Variants in NDOR1 observed in about 807,000 individuals in gnomAD.
NDOR1 encodes NADPH dependent diflavin oxidoreductase 1, also known as NADPH-dependent diflavin oxidoreductase 1.
Under a neutral mutation model 67.2 loss-of-function variants are expected in NDOR1, and 61 were observed. The ratio of observed to expected loss-of-function variants is 0.91; its 90% CI spans 0.74 to 1.12. The LOEUF (loss-of-function observed/expected upper bound fraction) is 1.12, where lower values mean the gene tolerates loss of function less well. Among genes scored for constraint, NDOR1 ranks in the 50% most tolerant of loss-of-function variants. The pLI is 0.00. For missense variants in NDOR1, 878 were observed against 802.8 expected, an observed-to-expected ratio of 1.09 and a Z score of -1.13; for synonymous variants, 378 against 343.7, an observed-to-expected ratio of 1.10 and a Z score of -1.10.
Position 137,218,803 on chromosome 9 carries a change from G to T in NDOR1, c.*2387G>T. ...GAGGCCTGACCCTGCCAGAGTCCATGGCTGCACTGCTGCCCAGACACTAGC... is the reference window on the plus strand; with the variant it reads ...GAGGCCTGACCCTGCCAGAGTCCATTGCTGCACTGCTGCCCAGACACTAGC... On this transcript the variant is annotated 3_prime_UTR_variant, in exon 14 of 14. Coordinates refer to ENST00000684003, the MANE Select transcript of NDOR1 (RefSeq NM_014434.4). 1 of 396,490 alleles carries T rather than the reference G, an allele frequency of 2.5e-6. No individual in the cohort carries two copies. The highest frequency in any genetic ancestry group is 4.4e-6 in the Non-Finnish European group (1 of 225,190). 24.6% of individuals were successfully genotyped at this position (396,490 alleles called of 1,614,324 possible).
Position 137,205,769 on chromosome 9 carries a change from C to G in NDOR1, c.-9C>G, listed in dbSNP as rs376442947. The G allele has an allele frequency of 6.2e-7, 1 of 1,602,884 alleles. No individual in the cohort carries two copies. The highest frequency in any genetic ancestry group is 1.1e-5 in the South Asian group (1 of 91,080). On this transcript the variant is annotated 5_prime_UTR_variant, in exon 1 of 14. Transcript: ENST00000684003. ...TTTAGTCTCAGACCAGACCACCGGG[C>G]GCACCCCGATGCCGAGCCCGCAGCT...
At position 137,216,252 on chromosome 9, in the gene NDOR1, T is replaced by C; in HGVS notation, c.1650-20T>C. ...CTGAGTGCCAGGCCTCATTGCGCCTTCTGCGACCTGCCCCTCTAGCAACGC... is the reference window on the plus strand; with the variant it reads ...CTGAGTGCCAGGCCTCATTGCGCCTCCTGCGACCTGCCCCTCTAGCAACGC... On this transcript the variant is annotated intron_variant, in intron 13 of 13. Coordinates refer to ENST00000684003, the MANE Select transcript of NDOR1 (RefSeq NM_014434.4). 6.2e-7 allele frequency: 1 copy of C among 1,612,926 alleles called. No homozygotes were observed. Among genetic ancestry groups the C allele is most frequent in the Non-Finnish European group, 8.5e-7 (1 of 1,179,942 alleles).
In NDOR1 at chr9:137,212,848, T is replaced by C; in HGVS notation, c.311+249T>C. The C allele has an allele frequency of 2.0e-6, 1 of 508,672 alleles. No individual in the cohort carries two copies. The highest frequency in any genetic ancestry group is 3.6e-6 in the Non-Finnish European group (1 of 281,238). 31.5% of individuals were successfully genotyped at this position (508,672 alleles called of 1,614,324 possible). ...CAGCCACGCTGACGTCACACAGGCC[T>C]ACCTGGCGCCGGTCCCCACTTTTAC... On this transcript the variant is annotated intron_variant, in intron 3 of 13. Coordinates refer to ENST00000684003, the MANE Select transcript of NDOR1 (RefSeq NM_014434.4). This position sits in a 1 kb window ranked among gnomAD's most constrained non-coding sequence, Gnocchi z 4.3.
chr9:137,213,584 G>GCCCTA (rs201054452), intron 3 of NDOR1, among the ~76,000 whole-genome samples, 196 bp from the exon 4 acceptor site: 4,244 of 152,238 alleles, frequency 0.028, 122 homozygotes, highest in Non-Finnish European at 0.037. Flanking sequence ...CAGCTGCCCT[G>GCCCTA]GTCTCGGCAG....
Position 137,212,644 on chromosome 9 carries a change from G to A in NDOR1, c.311+45G>A, listed in dbSNP as rs548330276. On this transcript the variant is annotated intron_variant, in intron 3 of 13. Transcript: ENST00000684003. This position sits in a 1 kb window ranked among gnomAD's most constrained non-coding sequence, Gnocchi z 4.3. Reference sequence around the variant, plus strand: ...GTGGGCGGACGGAACAGTTCTGGGGGTCGAGCAACAGGTGTGCTGGCAGAG... The same window carrying A: ...GTGGGCGGACGGAACAGTTCTGGGGATCGAGCAACAGGTGTGCTGGCAGAG... 30 of 1,551,480 alleles carry A rather than the reference G, an allele frequency of 1.9e-5. No individual in the cohort carries two copies. Among genetic ancestry groups the A allele is most frequent in the African/African-American group, 1.8e-4 (13 of 73,676 alleles).
Position 137,218,431 on chromosome 9 carries a change from T to C in NDOR1, c.*2015T>C. On this transcript the variant is annotated 3_prime_UTR_variant, in exon 14 of 14. Coordinates refer to ENST00000684003, the MANE Select transcript of NDOR1 (RefSeq NM_014434.4). ...GGGGCTGCCTGCCCTTCCTGCCCTG[T>C]CCACCCTGCCTGGGTGCCCGGCTCT... 2.5e-6 allele frequency: 1 copy of C among 398,290 alleles called. No individual in the cohort carries two copies. The highest frequency in any genetic ancestry group is 3.6e-5 in the East Asian group (1 of 28,024). The allele number at this position is 398,290 out of a possible 1,614,324, so 24.7% of individuals were successfully genotyped here.
In NDOR1 at chr9:137,212,434, C is replaced by T; in HGVS notation, c.214-68C>T. 7.1e-7 allele frequency: 1 copy of T among 1,411,590 alleles called. No homozygotes were observed. The highest frequency in any genetic ancestry group is 1.4e-5 in the African/African-American group (1 of 70,816). The allele number at this position is 1,411,590 out of a possible 1,614,324, so 87.4% of individuals were successfully genotyped here. On this transcript the variant is annotated intron_variant, in intron 2 of 13. Transcript: ENST00000684003. This position sits in a 1 kb window ranked among gnomAD's most constrained non-coding sequence, Gnocchi z 4.3. ...CCTGCCTGTTCCCCTGAGACCCTCCCCTCACCCCCTGCTGTGGGGCTAGCC... is the reference window on the plus strand; with the variant it reads ...CCTGCCTGTTCCCCTGAGACCCTCCTCTCACCCCCTGCTGTGGGGCTAGCC...
intron 5 of NDOR1, 30 bp downstream of exon 5, chr9:137,214,098 C>T (rs764052705): frequency 9.8e-6 from 15 of 1,530,566 alleles, no homozygotes; most frequent in Non-Finnish European, 1.2e-5. Flanking sequence ...CACCCACAGG[C>T]GCAGCAGACC....
Position 137,205,744 on chromosome 9 carries a change from T to C in NDOR1, c.-34T>C, listed in dbSNP as rs746849834. On this transcript the variant is annotated 5_prime_UTR_variant, in exon 1 of 14. Coordinates refer to ENST00000684003, the MANE Select transcript of NDOR1 (RefSeq NM_014434.4). Reference sequence around the variant, plus strand: ...GGCCGGCGGGAACTGCCTTCTAGTTTTTAGTCTCAGACCAGACCACCGGGC... The same window carrying C: ...GGCCGGCGGGAACTGCCTTCTAGTTCTTAGTCTCAGACCAGACCACCGGGC... The C allele has an allele frequency of 3.8e-6, 6 of 1,599,804 alleles. No individual in the cohort carries two copies. Among genetic ancestry groups the C allele is most frequent in the East Asian group, 4.5e-5 (2 of 44,776 alleles).
chr9:137,213,239 C>T (rs1326824898), intron 3 of NDOR1, among the ~76,000 whole-genome samples: 8 of 152,216 alleles, frequency 5.3e-5, no homozygotes, highest in South Asian at 2.1e-4. Context: ...TTGTTTCCTG[C>T]GTGACGTTGT....
At position 137,218,649 on chromosome 9, in the gene NDOR1, C is replaced by A; in HGVS notation, c.*2233C>A. The A allele has an allele frequency of 2.5e-6, 1 of 398,616 alleles. No homozygotes were observed. Among genetic ancestry groups the A allele is most frequent in the Non-Finnish European group, 4.4e-6 (1 of 226,038 alleles). The allele number at this position is 398,616 out of a possible 1,614,324, so 24.7% of individuals were successfully genotyped here. A position where few individuals can be genotyped will look rare whatever the true frequency, so the allele number is the denominator to read the frequency against. On this transcript the variant is annotated 3_prime_UTR_variant, in exon 14 of 14. Transcript: ENST00000684003. ...CCGCCAACAGGCCAGGGGGCCCAGACTGGCCCACGTCCCCATGCCTGGGTG... is the reference window on the plus strand; with the variant it reads ...CCGCCAACAGGCCAGGGGGCCCAGAATGGCCCACGTCCCCATGCCTGGGTG...
At position 137,212,786 on chromosome 9, in the gene NDOR1, CAG is replaced by C. The variant is rs530064411; in HGVS notation, c.311+190_311+191del. 5.6e-4 allele frequency: 333 copies of C among 592,228 alleles called. 2 individuals carry two copies. In the South Asian group the frequency reaches 6.0e-3, roughly 11 times the overall value. 36.7% of individuals were successfully genotyped at this position (592,228 alleles called of 1,614,324 possible). On this transcript the variant is annotated intron_variant, in intron 3 of 13. Transcript: ENST00000684003. This position sits in a 1 kb window ranked among gnomAD's most constrained non-coding sequence, Gnocchi z 4.3. The stretch of plus-strand genomic sequence containing the variant: ...CAGGCTTCACGCTGCGGGGAGGGCA[CAG>C]AGGGGAGCAGGCAGGGTGGCAAAGG...
At chr9:137,208,918 C>T (rs777227824) in intron 2 of NDOR1, among the ~76,000 whole-genome samples, 1 of 151,944 alleles carries the variant, frequency 6.6e-6, no homozygotes, top group South Asian at 2.1e-4. Flanking sequence ...CTCGCTCTGT[C>T]GCCCAGGCTG....
chr9:137,205,861 C>G lies in NDOR1; in HGVS notation c.84C>G (p.Ala28=). ...TGTCGGAGAGACTGGGTCGCGAGGC[C>G]CGGCGCCGGCGGCTTGGCTGCCGGG... ...QDVSERLGRE[A]RRRRLGCRVQ... is the part of the protein sequence containing the mutation. The change falls in exon 1 of 14, where the codon GCC becomes GCG. Residue 28 remains alanine (A), a synonymous_variant. Transcript: ENST00000684003. 2 of 1,601,512 alleles carry G rather than the reference C, an allele frequency of 1.2e-6. No homozygotes were observed. The highest frequency in any genetic ancestry group is 2.2e-5 in the East Asian group (1 of 44,826).
Position 137,216,443 on chromosome 9 carries a change from G to A in NDOR1, c.*27G>A. ...GCCCGCGGCTGCCCGTGCCCCCTCT[G>A]ACAGCCATCCTCCTGGGAGCCCAGG... is the stretch of plus-strand genomic sequence containing the variant. On this transcript the variant is annotated 3_prime_UTR_variant, in exon 14 of 14. Coordinates refer to ENST00000684003, the MANE Select transcript of NDOR1 (RefSeq NM_014434.4). 5 of 1,584,500 alleles carry A rather than the reference G, an allele frequency of 3.2e-6. No individual in the cohort carries two copies. The highest frequency in any genetic ancestry group is 4.3e-6 in the Non-Finnish European group (5 of 1,168,446).
At position 137,205,789 on chromosome 9, in the gene NDOR1, G is replaced by A. The variant is rs749524779; in HGVS notation, c.12G>A (p.Pro4=). MPS[P]QLLVLFGSQT... ...CCGGGCGCACCCCGATGCCGAGCCC[G>A]CAGCTTCTGGTGCTCTTCGGCAGCC... The change falls in exon 1 of 14, where the codon CCG becomes CCA. Residue 4 remains proline (P), a synonymous_variant. Transcript: ENST00000684003. The A allele has an allele frequency of 1.2e-6, 2 of 1,604,286 alleles. No homozygotes were observed. The highest frequency in any genetic ancestry group is 4.5e-5 in the East Asian group (2 of 44,860).
Position 137,217,724 on chromosome 9 carries a change from C to T in NDOR1, c.*1308C>T, listed in dbSNP as rs1040160509. ...GAGCTCTGGTGGAGCCCAGACCCTG[C>T]CTTCCCTGAGGGCCGCCCCTGTCGC... is the stretch of plus-strand genomic sequence containing the variant. On this transcript the variant is annotated 3_prime_UTR_variant, in exon 14 of 14. Transcript: ENST00000684003. 5.5e-6 allele frequency: 2 copies of T among 362,340 alleles called. No homozygotes were observed. Among genetic ancestry groups the T allele is most frequent in the African/African-American group, 2.1e-5 (1 of 47,880 alleles). The allele number at this position is 362,340 out of a possible 1,614,324, so 22.4% of individuals were successfully genotyped here. A position where few individuals can be genotyped will look rare whatever the true frequency, so the allele number is the denominator to read the frequency against.
chr9:137,212,718 G>A lies in NDOR1; in HGVS notation c.311+119G>A, dbSNP rs1408624407. 1.2e-5 allele frequency: 11 copies of A among 889,028 alleles called. No individual in the cohort carries two copies. The highest frequency in any genetic ancestry group is 1.8e-5 in the Non-Finnish European group (10 of 547,414). The allele number at this position is 889,028 out of a possible 1,614,324, so 55.1% of individuals were successfully genotyped here. The stretch of plus-strand genomic sequence containing the variant: ...GGCCCCTGCGCGCCTCAGGGCCCTC[G>A]CAGTGGTACTGGCTTCTCCACAACG... On this transcript the variant is annotated intron_variant, in intron 3 of 13. Coordinates refer to ENST00000684003, the MANE Select transcript of NDOR1 (RefSeq NM_014434.4). The surrounding 1 kb of genome is among the most constrained non-coding windows in gnomAD (Gnocchi z 4.3).
intron 2 of NDOR1, among the ~76,000 whole-genome samples, chr9:137,209,036 C>T (rs549227453): frequency 2.6e-5 from 4 of 152,094 alleles, no homozygotes; most frequent in East Asian, 2.0e-4. Flanking sequence ...GCCGCCACCA[C>T]GCCCAGCTAA....
Sources: gnomAD v4.1 joint callset for allele counts (sites outside exome capture counted in the v4.1 genomes callset) on GRCh38, gnomAD v4.1.1 for gene constraint, Gnocchi (gnomAD v3.1) non-coding constraint, MANE v1.5 for transcripts, NCBI Gene and HGNC (gene_info 2026-07-23, HGNC 2026-07-21) for gene names.